Variants in ANO2 observed in about 807,000 individuals in gnomAD.
The protein encoded by ANO2 is anoctamin 2.
A neutral mutation model predicts 124.2 loss-of-function variants in ANO2; 101 were observed. The ratio of observed to expected loss-of-function variants is 0.81; its 90% CI spans 0.69 to 0.96. The LOEUF (loss-of-function observed/expected upper bound fraction) is 0.96. Ranked by LOEUF, ANO2 falls within the 40% of genes least tolerant of loss-of-function variation. The pLI is 0.00. For missense variants in ANO2, 1,293 were observed against 1,274.5 expected, an observed-to-expected ratio of 1.01 and a Z score of -0.22; for synonymous variants, 486 against 482.5, an observed-to-expected ratio of 1.01 and a Z score of -0.09.
At chr12:5,629,096 T>A (rs1945564462) in intron 16 of ANO2, among the ~76,000 whole-genome samples, 2 of 152,168 alleles carry the variant, frequency 1.3e-5, no homozygotes, top group South Asian at 4.1e-4. Flanking sequence ...ACTTGACTAA[T>A]ACTCTTTTTT....
chr12:5,922,433 G>C (rs114377118), intron 2 of ANO2, among the ~76,000 whole-genome samples, 187 bp downstream of exon 2: 262 of 152,336 alleles, frequency 1.7e-3, no homozygotes, highest in African/African-American at 6.0e-3. Context: ...CCTCTGACCA[G>C]AACAGGGCAC....
At chr12:5,688,298 C>A (rs1397551341) in intron 14 of ANO2, among the ~76,000 whole-genome samples, 3 of 152,206 alleles carry the variant, frequency 2.0e-5, no homozygotes, top group Non-Finnish European at 4.4e-5. Context: ...CTGGCCTGAA[C>A]TGGAGAACGG....
At chr12:5,889,652 G>T (rs1591749124) in intron 3 of ANO2, among the ~76,000 whole-genome samples, 2 of 152,226 alleles carry the variant, frequency 1.3e-5, no homozygotes, top group African/African-American at 4.8e-5. Context: ...TCTTTACACA[G>T]CCCCTGTGCT....
chr12:5,806,057 T>C lies in ANO2; in HGVS notation c.985A>G (p.Arg329Gly), dbSNP rs374193552. 3.7e-6 allele frequency: 6 copies of C among 1,613,694 alleles called. No homozygotes were observed. The African/African-American group carries it at 8.0e-5, about 22-fold the overall frequency. ...GCTGCACGAGGCAGGCTTACCTTCC[T>C]GTCATTCATATCGTCCTCTGGACTA... ...YDSPEDDMND[R>G]KLLYQEWARY... is the part of the protein sequence containing the mutation. Residue 329 changes from arginine to glycine, a missense_variant, in exon 9 of 25, where the codon AGG (arginine) becomes GGG (glycine). Transcript: ENST00000682330.
At chr12:5,597,531 T>C (rs1430301889) in intron 20 of ANO2, among the ~76,000 whole-genome samples, 1 of 152,252 alleles carries the variant, frequency 6.6e-6, no homozygotes, top group Non-Finnish European at 1.5e-5. Context: ...TTTGCTATTA[T>C]GAACACGTCT....
chr12:5,651,795 C>G (rs557149567), intron 14 of ANO2, among the ~76,000 whole-genome samples: 14 of 152,256 alleles, frequency 9.2e-5, no homozygotes, highest in South Asian at 2.1e-4. Flanking sequence ...TTTTATGCCC[C>G]TCTGGTTTTA....
chr12:5,881,847 C>G (rs1938522471), intron 3 of ANO2: 1 of 152,174 alleles, frequency 6.6e-6, no homozygotes, highest in South Asian at 2.1e-4. Context: ...GTCCATTGTT[C>G]CATTCCAGGA....
intron 3 of ANO2, among the ~76,000 whole-genome samples, chr12:5,880,161 C>A (rs1938385493): frequency 6.6e-6 from 1 of 152,112 alleles, no homozygotes; most frequent in Non-Finnish European, 1.5e-5. Flanking sequence ...GTTAAGACAA[C>A]CAGCAAGACA....
intron 10 of ANO2, among the ~76,000 whole-genome samples, chr12:5,773,168 C>A (rs1952134158): frequency 6.6e-6 from 1 of 152,274 alleles, no homozygotes; most frequent in Admixed American, 6.5e-5. Context: ...TCTCTGGGTT[C>A]TGTAGTCACT....
chr12:5,587,054 A>G (rs1943147303), intron 20 of ANO2, among the ~76,000 whole-genome samples: 1 of 152,228 alleles, frequency 6.6e-6, no homozygotes, highest in East Asian at 1.9e-4. Context: ...TAACGTCTGC[A>G]GAGTCCAACT....
intron 17 of ANO2, among the ~76,000 whole-genome samples, chr12:5,614,926 C>A (rs983124527): frequency 6.6e-6 from 1 of 152,190 alleles, no homozygotes; most frequent in African/African-American, 2.4e-5. Flanking sequence ...AGTTGAGAGA[C>A]ACAAATTCTT....
intron 3 of ANO2, chr12:5,870,453 C>T (rs1955543399): frequency 1.3e-5 from 2 of 152,276 alleles, no homozygotes; most frequent in East Asian, 3.8e-4. Context: ...ACAATGACAG[C>T]ATTGAACTAT....
chr12:5,610,467 A>G (rs1050244026), intron 19 of ANO2, among the ~76,000 whole-genome samples: 2 of 137,768 alleles, frequency 1.5e-5, no homozygotes, highest in Non-Finnish European at 3.0e-5. Context: ...AAATATATAT[A>G]CATTTTATAA....
chr12:5,834,366 A>C (rs1350573340), intron 4 of ANO2, among the ~76,000 whole-genome samples: 1 of 152,202 alleles, frequency 6.6e-6, no homozygotes, highest in Non-Finnish European at 1.5e-5. Flanking sequence ...CTGGTATGAA[A>C]TACTTGTCTT....
chr12:5,875,679 A>C (rs1467397660), intron 3 of ANO2, among the ~76,000 whole-genome samples: 2 of 152,178 alleles, frequency 1.3e-5, no homozygotes, highest in Non-Finnish European at 2.9e-5. Flanking sequence ...TGGCTCTCTC[A>C]GTATTCTTGT....
intron 15 of ANO2, 70 bp downstream of exon 15, chr12:5,647,657 A>T (rs1302183788): frequency 8.5e-7 from 1 of 1,182,330 alleles, no homozygotes; most frequent in Non-Finnish European, 1.2e-6. Context: ...AGAATATAAT[A>T]CCCACAGTAG....
chr12:5,672,958 G>T (rs1030483184), intron 14 of ANO2, among the ~76,000 whole-genome samples: 7 of 152,166 alleles, frequency 4.6e-5, no homozygotes, highest in African/African-American at 1.7e-4. Flanking sequence ...GTATTCCTAC[G>T]GTTCAACAAA....
intron 2 of ANO2, among the ~76,000 whole-genome samples, 200 bp from the exon 3 acceptor site, chr12:5,921,566 C>T (rs1049580607): frequency 2.6e-5 from 4 of 152,160 alleles, no homozygotes; most frequent in Non-Finnish European, 5.9e-5. Flanking sequence ...CCTCCACCCA[C>T]CTGTTGACAG....
rs114737191 is a variant in ANO2 at position 5,678,611 on chromosome 12, G to A, written c.1546-30810C>T. ...TGAGGGGGACTGAATGCTGTCTTCT[G>A]TGCTACGTGGAATTAGAAGGGCTTG... On this transcript the variant is annotated intron_variant, in intron 14 of 24. Transcript: ENST00000682330. Among the ~76,000 whole-genome samples, 953 of 152,332 alleles carry A rather than the reference G, an allele frequency of 6.3e-3. 13 individuals are homozygous for A. Among genetic ancestry groups the A allele is most frequent in the African/African-American group, 0.021 (881 of 41,576 alleles).
Sources: allele counts gnomAD v4.1 joint callset (sites outside exome capture counted in the v4.1 genomes callset), GRCh38; gene constraint gnomAD v4.1.1; transcripts MANE v1.5; gene names NCBI Gene and HGNC (gene_info 2026-07-23, HGNC 2026-07-21).